The following CCDC6 variants were observed in gnomAD, a reference collection of about 807,000 sequenced individuals.
CCDC6 encodes the protein coiled-coil domain containing 6, also known as coiled-coil domain-containing protein 6.
Under a neutral mutation model 56.6 loss-of-function variants are expected in CCDC6, and 20 were observed. That is an observed-to-expected ratio of 0.35 (90% CI 0.25 to 0.51). The LOEUF (loss-of-function observed/expected upper bound fraction) is 0.51. Ranked by LOEUF, CCDC6 falls within the 20% of genes least tolerant of loss-of-function variation. The probability of loss-of-function intolerance (pLI) is 0.95; values close to 1 mark genes in which losing one functional copy is unlikely to be tolerated. For synonymous variants in CCDC6, 241 were observed against 234.4 expected, an observed-to-expected ratio of 1.03 and a Z score of -0.26; for missense variants, 367 against 601.1, an observed-to-expected ratio of 0.61 and a Z score of 4.07.
Position 59,792,068 on chromosome 10 carries a change from GTTTTTGTTACAATC to G in CCDC6, c.*835_*848del, listed in dbSNP as rs1306936840. On this transcript the variant is annotated 3_prime_UTR_variant, in exon 9 of 9. Coordinates refer to ENST00000263102, the MANE Select transcript of CCDC6 (RefSeq NM_005436.5). ...AAGTACGAAAGGGGGAAGCCGCATT[GTTTTTGTTACAATC>G]ACACTGCCTTCTGCAGCAGAAATCA... 1 of 227,852 alleles carries G rather than the reference GTTTTTGTTACAATC, an allele frequency of 4.4e-6. No individual in the cohort carries two copies. Among genetic ancestry groups the G allele is most frequent in the African/African-American group, 2.2e-5 (1 of 45,002 alleles). 14.1% of individuals were successfully genotyped at this position (227,852 alleles called of 1,614,324 possible).
At chr10:59,856,601 AGC>A (rs907099600) in intron 1 of CCDC6, among the ~76,000 whole-genome samples, 1 of 152,146 alleles carries the variant, frequency 6.6e-6, no homozygotes, top group Non-Finnish European at 1.5e-5. Flanking sequence ...CCCCAAAATC[AGC>A]CAGCAAGGAG....
At chr10:59,839,472 G>C (rs568790382) in intron 2 of CCDC6, among the ~76,000 whole-genome samples, 2 of 152,294 alleles carry the variant, frequency 1.3e-5, no homozygotes, top group East Asian at 3.9e-4. Context: ...CAACGGTTGG[G>C]GGTGGGGTGG....
At chr10:59,862,512 T>TAC (rs1316378076) in intron 1 of CCDC6, among the ~76,000 whole-genome samples, 12 of 75,420 alleles carry the variant, frequency 1.6e-4, no homozygotes, top group African/African-American at 7.6e-4. Flanking sequence ...TATATATATA[T>TAC]ATATACACAC....
chr10:59,790,658 G>C lies in CCDC6; in HGVS notation c.*2259C>G, dbSNP rs1564734739. 1 of 218,980 alleles carries C rather than the reference G, an allele frequency of 4.6e-6. No homozygotes were observed. Among genetic ancestry groups the C allele is most frequent in the Non-Finnish European group, 9.1e-6 (1 of 110,154 alleles). 13.6% of individuals were successfully genotyped at this position (218,980 alleles called of 1,614,324 possible). On this transcript the variant is annotated 3_prime_UTR_variant, in exon 9 of 9. Transcript: ENST00000263102. ...AGGCAACTAGATTTATGTGGAAAAA[G>C]TGCTGTTTGAAGGAGCTGTGTTTTA...
Position 59,869,113 on chromosome 10 carries a change from T to C in CCDC6, c.304-16411A>G, listed in dbSNP as rs149844149. 6.2e-3 allele frequency among the ~76,000 whole-genome samples: 935 copies of C among 151,918 alleles called. 12 individuals carry two copies. Among genetic ancestry groups the C allele is most frequent in the African/African-American group, 0.021 (888 of 41,432 alleles). On this transcript the variant is annotated intron_variant, in intron 1 of 8. Transcript: ENST00000263102. ...GTCTTTCAAAAGCCAATGGGAGCCA[T>C]AGGAAAGAGCACACTTCATCCCTAC...
chr10:59,869,769 TAAGA>T (rs943523481), intron 1 of CCDC6, among the ~76,000 whole-genome samples: 10 of 152,292 alleles, frequency 6.6e-5, no homozygotes, highest in African/African-American at 2.4e-4. Flanking sequence ...CCCATCACAC[TAAGA>T]AATAGTGATT....
At chr10:59,880,492 G>T (rs957906659) in intron 1 of CCDC6, among the ~76,000 whole-genome samples, 3 of 152,188 alleles carry the variant, frequency 2.0e-5, no homozygotes, top group Non-Finnish European at 2.9e-5. Context: ...TCCACATAGT[G>T]GCTACCCTTG....
At chr10:59,815,361 C>T (rs7098890) in intron 3 of CCDC6, among the ~76,000 whole-genome samples, 21,882 of 151,972 alleles carry the variant, frequency 0.14, 2,929 homozygotes, top group African/African-American at 0.35. Context: ...CGGAGGGAAC[C>T]CCAACAGTGT....
intron 2 of CCDC6, among the ~76,000 whole-genome samples, chr10:59,839,536 T>C (rs2070918216): frequency 6.7e-6 from 1 of 150,362 alleles, no homozygotes; most frequent in African/African-American, 2.5e-5. Context: ...CCAAAGCCCC[T>C]GTTTCTCTTC....
At chr10:59,830,542 A>C (rs544618829) in intron 3 of CCDC6, among the ~76,000 whole-genome samples, 1 of 152,224 alleles carries the variant, frequency 6.6e-6, no homozygotes, top group Admixed American at 6.5e-5. Flanking sequence ...CATAGGCTTC[A>C]TATGCTGGAT....
chr10:59,827,233 G>A (rs2070795503), intron 3 of CCDC6, among the ~76,000 whole-genome samples: 1 of 152,084 alleles, frequency 6.6e-6, no homozygotes, highest in South Asian at 2.1e-4. Context: ...ACCCATTACT[G>A]GATTTTGAAA....
intron 1 of CCDC6, among the ~76,000 whole-genome samples, chr10:59,863,111 A>C (rs1375039484): frequency 1.3e-5 from 2 of 152,164 alleles, no homozygotes; most frequent in Non-Finnish European, 2.9e-5. Flanking sequence ...TGCAAAAAAA[A>C]TACATTTTTT....
intron 4 of CCDC6, among the ~76,000 whole-genome samples, chr10:59,813,987 T>C (rs2070692586): frequency 6.6e-6 from 1 of 152,188 alleles, no homozygotes; most frequent in Admixed American, 6.6e-5. Context: ...ACTCACTTTT[T>C]ACACCCGTAC....
intron 1 of CCDC6, among the ~76,000 whole-genome samples, chr10:59,900,498 C>T (rs1316637537): frequency 6.6e-6 from 1 of 152,122 alleles, no homozygotes; most frequent in African/African-American, 2.4e-5. Context: ...CTGGGCTAAA[C>T]GCATGTAAGA....
intron 1 of CCDC6, among the ~76,000 whole-genome samples, chr10:59,862,052 A>G (rs1198574986): frequency 1.3e-5 from 2 of 152,230 alleles, no homozygotes; most frequent in Non-Finnish European, 2.9e-5. Context: ...AATCGAAGAC[A>G]AAAGGAAAAT....
chr10:59,887,073 G>A (rs538327225), intron 1 of CCDC6, among the ~76,000 whole-genome samples: 4 of 152,266 alleles, frequency 2.6e-5, no homozygotes, highest in Admixed American at 1.3e-4. Context: ...CACATATATA[G>A]GGCAATCGAC....
chr10:59,844,062 CCAT>C (rs1195154040), intron 2 of CCDC6, among the ~76,000 whole-genome samples: 1 of 152,104 alleles, frequency 6.6e-6, no homozygotes, highest in Non-Finnish European at 1.5e-5. Context: ...CAGTTCTTCA[CCAT>C]CATGTTAATT....
intron 3 of CCDC6, among the ~76,000 whole-genome samples, chr10:59,824,887 T>C (rs1333856513): frequency 6.6e-6 from 1 of 152,252 alleles, no homozygotes; most frequent in Non-Finnish European, 1.5e-5. Flanking sequence ...TTTGTATTTA[T>C]AACTAAACTA....
intron 2 of CCDC6, among the ~76,000 whole-genome samples, chr10:59,851,922 A>AGG (rs76714312): frequency 2.0e-5 from 3 of 150,668 alleles, no homozygotes; most frequent in African/African-American, 7.3e-5. Context: ...AAGCTTTGAA[A>AGG]GGGGGAAAAA....
Sources: gnomAD v4.1 joint callset for allele counts (sites outside exome capture counted in the v4.1 genomes callset) on GRCh38, gnomAD v4.1.1 for gene constraint, MANE v1.5 for transcripts, NCBI Gene and HGNC (gene_info 2026-07-23, HGNC 2026-07-21) for gene names.